Variants in KCNJ3 observed in about 807,000 individuals in gnomAD.
KCNJ3 encodes potassium inwardly rectifying channel subfamily J member 3, also known as G protein-activated inward rectifier potassium channel 1.
Under a neutral mutation model 39.2 loss-of-function variants are expected in KCNJ3, and 4 were observed. That is an observed-to-expected ratio of 0.10 (90% CI 0.05 to 0.23). The LOEUF is 0.23. Among genes scored for constraint, KCNJ3 ranks in the 10% least tolerant of loss-of-function variants. The probability of loss-of-function intolerance (pLI) is 1.00; values close to 1 mark genes in which losing one functional copy is unlikely to be tolerated. For missense variants in KCNJ3, 276 were observed against 634.9 expected (o/e 0.43, Z 6.08); for synonymous variants, 230 against 237.4 (o/e 0.97, Z 0.29).
rs193049670 is a variant in KCNJ3 at position 154,798,646 on chromosome 2, A to C, written c.920-56081A>C. On this transcript the variant is annotated intron_variant, in intron 2 of 2. Coordinates refer to ENST00000295101, the MANE Select transcript of KCNJ3 (RefSeq NM_002239.4). ...GAAACCTGAGCATTAAGATAAGTGA[A>C]CCATGTTAGTCCCTGCAACTTCATT... Among the ~76,000 whole-genome samples, 320 of 152,306 alleles carry C rather than the reference A, an allele frequency of 2.1e-3. 8 individuals carry two copies. Among genetic ancestry groups the C allele is most frequent in the Admixed American group, 0.015 (222 of 15,300 alleles).
intron 1 of KCNJ3, among the ~76,000 whole-genome samples, chr2:154,708,576 T>G (rs190116866): frequency 1.3e-5 from 2 of 152,160 alleles, no homozygotes; most frequent in Non-Finnish European, 2.9e-5. Flanking sequence ...TTTCTGTATT[T>G]AATTCCTAAC....
intron 2 of KCNJ3, among the ~76,000 whole-genome samples, chr2:154,809,174 G>T (rs1034291090): frequency 6.6e-6 from 1 of 152,024 alleles, no homozygotes; most frequent in African/African-American, 2.4e-5. Context: ...TGGGTAGCCC[G>T]GTCCAGCAAT....
intron 2 of KCNJ3, among the ~76,000 whole-genome samples, chr2:154,739,423 C>T (rs990401914): frequency 6.6e-6 from 1 of 152,006 alleles, no homozygotes; most frequent in African/African-American, 2.4e-5. Flanking sequence ...TTGAATTTTC[C>T]ATGAGTGATG....
chr2:154,854,597 C>T, intron 2 of KCNJ3, 130 bp from the exon 3 acceptor site: 1 of 614,162 alleles, frequency 1.6e-6, no homozygotes, highest in South Asian at 2.4e-5. Context: ...TTAATCTATT[C>T]TATTATTCGG....
chr2:154,837,173 A>G (rs1316344974), intron 2 of KCNJ3, among the ~76,000 whole-genome samples: 2 of 152,208 alleles, frequency 1.3e-5, no homozygotes, highest in East Asian at 1.9e-4. Context: ...CTAGATATGC[A>G]TCTATCTGTG....
At chr2:154,818,964 A>G (rs1574473731) in intron 2 of KCNJ3, among the ~76,000 whole-genome samples, 2 of 108,404 alleles carry the variant, frequency 1.8e-5, no homozygotes, top group Middle Eastern at 8.5e-3. Context: ...CATCTTGTGA[A>G]ATTCTACTGC....
In KCNJ3 at chr2:154,855,505, G is replaced by C. The variant is rs1057125490; in HGVS notation, c.*192G>C. On this transcript the variant is annotated 3_prime_UTR_variant, in exon 3 of 3. Coordinates refer to ENST00000295101, the MANE Select transcript of KCNJ3 (RefSeq NM_002239.4). ...CAGTTACGGAGGGAGGACATCATAA[G>C]GAAGTTATTAACGGGCATGTATTAT... is the stretch of plus-strand genomic sequence containing the variant. 3.8e-6 allele frequency: 2 copies of C among 526,226 alleles called. No homozygotes were observed. The highest frequency in any genetic ancestry group is 6.7e-6 in the Non-Finnish European group (2 of 298,530). The allele number at this position is 526,226 out of a possible 1,614,324, so 32.6% of individuals were successfully genotyped here. A position where few individuals can be genotyped will look rare whatever the true frequency, so the allele number is the denominator to read the frequency against.
At chr2:154,841,479 G>A (rs1387319660) in intron 2 of KCNJ3, among the ~76,000 whole-genome samples, 3 of 152,082 alleles carry the variant, frequency 2.0e-5, no homozygotes, top group African/African-American at 7.2e-5. Context: ...CTCTTTTTCT[G>A]TTGATTGGAA....
chr2:154,761,062 CTTT>C (rs11375045), intron 2 of KCNJ3, among the ~76,000 whole-genome samples: 28 of 133,876 alleles, frequency 2.1e-4, no homozygotes, highest in Admixed American at 3.8e-4. Context: ...TTAATTTTTT[CTTT>C]TTTTTTTTTT....
chr2:154,788,092 A>T (rs1686566099), intron 2 of KCNJ3, among the ~76,000 whole-genome samples: 1 of 152,140 alleles, frequency 6.6e-6, no homozygotes, highest in African/African-American at 2.4e-5. Flanking sequence ...AGCTGAGAAG[A>T]TGTGCTTGGA....
chr2:154,761,867 G>A (rs1686051576), intron 2 of KCNJ3, among the ~76,000 whole-genome samples: 1 of 152,264 alleles, frequency 6.6e-6, no homozygotes, highest in South Asian at 2.1e-4. Flanking sequence ...CTCAGAACTT[G>A]TGAATATATT....
intron 2 of KCNJ3, among the ~76,000 whole-genome samples, chr2:154,778,209 A>G (rs1278766572): frequency 6.6e-6 from 1 of 152,194 alleles, no homozygotes; most frequent in Non-Finnish European, 1.5e-5. Context: ...GCTTATTTGT[A>G]GTTTCACTAC....
In KCNJ3 at chr2:154,855,430, A is replaced by G. The variant is rs969876543; in HGVS notation, c.*117A>G. 4.1e-6 allele frequency: 3 copies of G among 723,038 alleles called. No homozygotes were observed. The highest frequency in any genetic ancestry group is 3.6e-5 in the African/African-American group (2 of 56,062). The allele number at this position is 723,038 out of a possible 1,614,324, so 44.8% of individuals were successfully genotyped here. ...ATATTTTCCTCCCAGTTCTACAAGC[A>G]TATTTGAGAACCCTTCCTTTCCCAA... On this transcript the variant is annotated 3_prime_UTR_variant, in exon 3 of 3. Transcript: ENST00000295101.
Position 154,698,784 on chromosome 2 carries a change from A to T in KCNJ3, c.9A>T (p.Ala3=), listed in dbSNP as rs1436354741. 4 of 1,606,780 alleles carry T rather than the reference A, an allele frequency of 2.5e-6. No homozygotes were observed. The highest frequency in any genetic ancestry group is 3.4e-5 in the Admixed American group (2 of 59,402). ...GCTCGCCCCTTCGTATTATGTCTGC[A>T]CTCCGAAGGAAATTTGGGGACGATT... MS[A]LRRKFGDDYQ... The change falls in exon 1 of 3, where the codon GCA becomes GCT. Residue 3 remains alanine, a synonymous_variant. Coordinates refer to ENST00000295101, the MANE Select transcript of KCNJ3 (RefSeq NM_002239.4).
intron 2 of KCNJ3, among the ~76,000 whole-genome samples, chr2:154,739,300 C>A (rs549453838): frequency 2.3e-4 from 35 of 152,116 alleles, no homozygotes; most frequent in African/African-American, 8.4e-4. Context: ...TCAACTGTGT[C>A]AAAAATTTCA....
intron 2 of KCNJ3, among the ~76,000 whole-genome samples, chr2:154,846,368 C>T (rs549223726): frequency 1.3e-5 from 2 of 152,092 alleles, no homozygotes; most frequent in Admixed American, 1.3e-4. Context: ...TTAATTGGAA[C>T]CTTAATAATC....
chr2:154,827,113 C>T (rs530884498), intron 2 of KCNJ3, among the ~76,000 whole-genome samples: 27 of 152,048 alleles, frequency 1.8e-4, no homozygotes, highest in Non-Finnish European at 3.7e-4. Flanking sequence ...GAATTGTATC[C>T]TTCTCCCAGC....
At chr2:154,781,743 T>C (rs542282558) in intron 2 of KCNJ3, among the ~76,000 whole-genome samples, 1 of 152,320 alleles carries the variant, frequency 6.6e-6, no homozygotes, top group South Asian at 2.1e-4. Context: ...GCCCGAACCA[T>C]TTAATAATTT....
chr2:154,844,943 T>C (rs1252123289), intron 2 of KCNJ3, among the ~76,000 whole-genome samples: 1 of 152,112 alleles, frequency 6.6e-6, no homozygotes, highest in South Asian at 2.1e-4. Flanking sequence ...CAGCTCGCCC[T>C]CTGTGGGCTG....
Sources: allele counts gnomAD v4.1 joint callset (sites outside exome capture counted in the v4.1 genomes callset), GRCh38; gene constraint gnomAD v4.1.1; transcripts MANE v1.5; gene names NCBI Gene and HGNC (gene_info 2026-07-23, HGNC 2026-07-21).